ZNF264: variants seen among roughly 807,000 people sequenced by gnomAD.
The protein encoded by ZNF264 is zinc finger protein 264.
ZNF264 carries 11 observed loss-of-function variants against 11.2 expected under a neutral mutation model. The observed-to-expected ratio is 0.98, with a 90% CI of 0.62 to 1.63. The LOEUF is 1.63. Ranked by LOEUF, ZNF264 falls within the 40% of genes most tolerant of loss-of-function variation. The pLI is 0.00. For missense variants in ZNF264, 752 were observed against 768.1 expected (o/e 0.98, Z 0.25); for synonymous variants, 309 against 279.8 (o/e 1.10, Z -1.04).
At chr19:57,207,907 A>T (rs2087305770) in intron 3 of ZNF264, among the ~76,000 whole-genome samples, 1 of 151,770 alleles carries the variant, frequency 6.6e-6, no homozygotes, top group South Asian at 2.1e-4. Flanking sequence ...TGTATTTTTA[A>T]TAAAAATGGG....
At chr19:57,200,968 A>C (rs2087248937) in intron 2 of ZNF264, among the ~76,000 whole-genome samples, 1 of 151,922 alleles carries the variant, frequency 6.6e-6, no homozygotes, top group Non-Finnish European at 1.5e-5. Context: ...GCTATATATA[A>C]TTACCATATA....
chr19:57,203,390 G>T (rs1222329450), intron 2 of ZNF264, among the ~76,000 whole-genome samples: 1 of 152,234 alleles, frequency 6.6e-6, no homozygotes, highest in South Asian at 2.1e-4. Context: ...TCCCTGAGAG[G>T]AGCAGTCTCT....
chr19:57,211,212 T>C (rs1009649972), intron 3 of ZNF264, 142 bp from the exon 4 acceptor site: 1 of 881,300 alleles, frequency 1.1e-6, no homozygotes, highest in Admixed American at 2.9e-5. Context: ...AGAAAGAAAT[T>C]GCAAACCCAA....
intron 3 of ZNF264, among the ~76,000 whole-genome samples, chr19:57,210,014 C>A (rs1222284369): frequency 6.6e-6 from 1 of 152,130 alleles, no homozygotes; most frequent in African/African-American, 2.4e-5. Context: ...CCTCTTACCT[C>A]TTTCCTTATG....
In ZNF264 at chr19:57,191,837, A is replaced by G. The variant is rs1275086517; in HGVS notation, c.-77A>G. ...GCCTGGAAGCCCCGGGCAACCGGCCAGGGTCGGGCACAGGTGGGGTCCGTC... is the reference window on the plus strand; with the variant it reads ...GCCTGGAAGCCCCGGGCAACCGGCCGGGGTCGGGCACAGGTGGGGTCCGTC... On this transcript the variant is annotated 5_prime_UTR_variant, in exon 1 of 4. Transcript: ENST00000263095. The G allele has an allele frequency of 8.5e-6, 10 of 1,173,010 alleles. No individual in the cohort carries two copies. The highest frequency in any genetic ancestry group is 1.1e-5 in the Non-Finnish European group (10 of 924,656). 72.7% of individuals were successfully genotyped at this position (1,173,010 alleles called of 1,614,324 possible).
Position 57,211,723 on chromosome 19 carries a change from G to A in ZNF264, c.626G>A (p.Gly209Glu), listed in dbSNP as rs768799725. ...AATAACTTTAAATGCAGTGAATGTG[G>A]AAAAGTATTTAACAAGAAACACCTC... is the stretch of plus-strand genomic sequence containing the variant. Reference protein sequence around the residue: ...EENNFKCSECGKVFNKKHLLA... With the variant: ...EENNFKCSECEKVFNKKHLLA... Residue 209 changes from glycine (G) to glutamate (E), a missense_variant, in exon 4 of 4, where the codon GGA (glycine) becomes GAA (glutamate). Transcript: ENST00000263095. 1.2e-6 allele frequency: 2 copies of A among 1,614,166 alleles called. No homozygotes were observed. Among genetic ancestry groups the A allele is most frequent in the Non-Finnish European group, 1.7e-6 (2 of 1,180,010 alleles).
chr19:57,217,092 G>A lies in ZNF264; in HGVS notation c.*4111G>A, dbSNP rs754444606. On this transcript the variant is annotated 3_prime_UTR_variant, in exon 4 of 4. Coordinates refer to ENST00000263095, the MANE Select transcript of ZNF264 (RefSeq NM_003417.5). The stretch of plus-strand genomic sequence containing the variant: ...GTTGGGCAAAATCATCTAACACAAG[G>A]CCTACTTTATAATAAAGTTACTGCA... 8.6e-5 allele frequency: 13 copies of A among 152,038 alleles called. No homozygotes were observed. The highest frequency in any genetic ancestry group is 1.6e-4 in the Non-Finnish European group (11 of 68,022). The allele number at this position is 152,038 out of a possible 1,614,324, so 9.4% of individuals were successfully genotyped here.
Position 57,221,822 on chromosome 19 carries a change from C to A in ZNF264, c.*8841C>A, listed in dbSNP as rs1256946449. Reference sequence around the variant, plus strand: ...AGGCACCGAAAAACAGGGCAGTGAGCTACTCCTGTTTTGGGTGGGTGGAGC... The same window carrying A: ...AGGCACCGAAAAACAGGGCAGTGAGATACTCCTGTTTTGGGTGGGTGGAGC... On this transcript the variant is annotated 3_prime_UTR_variant, in exon 4 of 4. Coordinates refer to ENST00000263095, the MANE Select transcript of ZNF264 (RefSeq NM_003417.5). 1 of 152,114 alleles carries A rather than the reference C, an allele frequency of 6.6e-6. No homozygotes were observed. 9.4% of individuals were successfully genotyped at this position (152,114 alleles called of 1,614,324 possible).
At position 57,212,953 on chromosome 19, in the gene ZNF264, G is replaced by C; in HGVS notation, c.1856G>C (p.Arg619Thr). The C allele has an allele frequency of 6.2e-7, 1 of 1,612,260 alleles. No homozygotes were observed. The highest frequency in any genetic ancestry group is 8.5e-7 in the Non-Finnish European group (1 of 1,178,620). ...SSSASDQPYQRETPQVSSL is the reference protein window; with the variant it reads ...SSSASDQPYQTETPQVSSL ...TCTGCATCTGATCAACCATACCAAA[G>C]AGAAACCCCACAAGTGTCTTCACTG... Residue 619 changes from arginine (R) to threonine (T), a missense_variant, in exon 4 of 4, where the codon AGA becomes ACA. Transcript: ENST00000263095.
At chr19:57,201,562 G>C (rs931967555) in intron 2 of ZNF264, among the ~76,000 whole-genome samples, 12 of 151,944 alleles carry the variant, frequency 7.9e-5, no homozygotes, top group African/African-American at 2.7e-4. Flanking sequence ...CCTCAGCCTT[G>C]TATATTACCC....
intron 1 of ZNF264, 86 bp from the exon 2 acceptor site, chr19:57,193,789 C>T: frequency 6.4e-7 from 1 of 1,569,330 alleles, no homozygotes; most frequent in South Asian, 1.2e-5. Flanking sequence ...GCCGCCATCA[C>T]TGTACACCTT....
Position 57,211,861 on chromosome 19 carries a change from G to C in ZNF264, c.764G>C (p.Gly255Ala), listed in dbSNP as rs763675071. Reference sequence around the variant, plus strand: ...CTGCAACATCACATGATCCACACTGGGGAGAGGCCCTATGAGTGCATGGAG... The same window carrying C: ...CTGCAACATCACATGATCCACACTGCGGAGAGGCCCTATGAGTGCATGGAG... The part of the protein sequence containing the change: ...HLLQHHMIHT[G>A]ERPYECMECG... Residue 255 changes from glycine to alanine, a missense_variant, in exon 4 of 4, where the codon GGG becomes GCG. Gly to Ala is a moderately conservative substitution (Grantham distance 60). Transcript: ENST00000263095. 6.2e-7 allele frequency: 1 copy of C among 1,614,194 alleles called. No homozygotes were observed. The highest frequency in any genetic ancestry group is 1.1e-5 in the South Asian group (1 of 91,086).
rs924334245 is a variant in ZNF264 at position 57,214,135 on chromosome 19, C to A, written c.*1154C>A. On this transcript the variant is annotated 3_prime_UTR_variant, in exon 4 of 4. Coordinates refer to ENST00000263095, the MANE Select transcript of ZNF264 (RefSeq NM_003417.5). ...TTTTAGCTATTTCTTTCGACAGAAT[C>A]CTTGGAATTTTCTATATAGAAATGT... 6.6e-6 allele frequency: 1 copy of A among 152,192 alleles called. No homozygotes were observed. The highest frequency in any genetic ancestry group is 1.5e-5 in the Non-Finnish European group (1 of 68,026). 9.4% of individuals were successfully genotyped at this position (152,192 alleles called of 1,614,324 possible). A position where few individuals can be genotyped will look rare whatever the true frequency, so the allele number is the denominator to read the frequency against.
At chr19:57,210,242 C>T (rs75074227) in intron 3 of ZNF264, among the ~76,000 whole-genome samples, 2,550 of 152,166 alleles carry the variant, frequency 0.017, 81 homozygotes, top group African/African-American at 0.057. Flanking sequence ...CATTGAGCAC[C>T]TCTTACTGGA....
intron 3 of ZNF264, 48 bp from the exon 4 acceptor site, chr19:57,211,306 A>T (rs1397841682): frequency 2.0e-6 from 3 of 1,490,538 alleles, no homozygotes; most frequent in Admixed American, 2.2e-5. Context: ...TCTTTTTTCC[A>T]TGTTGTCCTT....
At chr19:57,194,304 A>C (rs1448370776) in intron 2 of ZNF264, 5 of 443,460 alleles carry the variant, frequency 1.1e-5, no homozygotes, top group Non-Finnish European at 2.0e-5. Context: ...ACTGAGAACC[A>C]CCACGATGGT....
chr19:57,212,105 C>T lies in ZNF264; in HGVS notation c.1008C>T (p.Val336=), dbSNP rs764289109. 2.3e-5 allele frequency: 37 copies of T among 1,614,032 alleles called. No individual in the cohort carries two copies. The Admixed American group carries it at 4.3e-4, about 19-fold the overall frequency. ...HRPGFLRHYV[V]HSGENPYECL... ...CAGGCTTTCTCCGGCACTATGTTGT[C>T]CACAGTGGTGAGAATCCCTATGAGT... The change falls in exon 4 of 4, where the codon GTC becomes GTT. Residue 336 remains valine (V), a synonymous_variant. Transcript: ENST00000263095.
In ZNF264 at chr19:57,212,285, G is replaced by A. The variant is rs377610225; in HGVS notation, c.1188G>A (p.Glu396=). 3.1e-6 allele frequency: 5 copies of A among 1,613,834 alleles called. No homozygotes were observed. Among genetic ancestry groups the A allele is most frequent in the Non-Finnish European group, 4.2e-6 (5 of 1,179,994 alleles). The change falls in exon 4 of 4, where the codon GAG becomes GAA. Residue 396 remains glutamate (E), a synonymous_variant. Transcript: ENST00000263095. The part of the protein sequence containing the change: ...LIHHYVIHTG[E]KPFECLECGK... ...ACCACTATGTCATCCACACTGGAGA[G>A]AAGCCCTTTGAGTGCCTCGAGTGTG...
chr19:57,199,654 C>T (rs1025320328), intron 2 of ZNF264, among the ~76,000 whole-genome samples: 10 of 151,872 alleles, frequency 6.6e-5, no homozygotes, highest in Non-Finnish European at 7.3e-5. Flanking sequence ...TATCCATTCC[C>T]GTGCCTGTTC....
Sources: allele counts gnomAD v4.1 joint callset (sites outside exome capture counted in the v4.1 genomes callset), GRCh38; gene constraint gnomAD v4.1.1; transcripts MANE v1.5; gene names NCBI Gene and HGNC (gene_info 2026-07-23, HGNC 2026-07-21).